Variants in UGGT1 observed in about 807,000 individuals in gnomAD.
UGGT1 encodes the protein UDP-glucose glycoprotein glucosyltransferase 1.
A neutral mutation model predicts 203.9 loss-of-function variants in UGGT1; 107 were observed. That is an observed-to-expected ratio of 0.52 (90% CI 0.45 to 0.62). UGGT1 has a LOEUF of 0.62. Among genes scored for constraint, UGGT1 ranks in the 20% least tolerant of loss-of-function variants. UGGT1 has a pLI of 0.00. For synonymous variants in UGGT1, 628 were observed against 653.5 expected, an observed-to-expected ratio of 0.96 and a Z score of 0.59; for missense variants, 1,673 against 1,867.2, an observed-to-expected ratio of 0.90 and a Z score of 1.92.
rs1691732658 is a variant in UGGT1 at position 128,182,308 on chromosome 2, T to C, written c.4244+18T>C. 6.3e-7 allele frequency: 1 copy of C among 1,598,090 alleles called. No homozygotes were observed. Among genetic ancestry groups the C allele is most frequent in the Non-Finnish European group, 8.5e-7 (1 of 1,173,034 alleles). ...CATATCAGGTACTGAAAAGAAGCAC[T>C]CCTAACACTGTTACGGGGTTTTCCT... On this transcript the variant is annotated intron_variant, in intron 37 of 40. Coordinates refer to ENST00000259253, the MANE Select transcript of UGGT1 (RefSeq NM_020120.4).
chr2:128,184,437 C>A (rs1175140472), intron 38 of UGGT1, among the ~76,000 whole-genome samples: 2 of 152,060 alleles, frequency 1.3e-5, no homozygotes, highest in Non-Finnish European at 2.9e-5. Context: ...TCACATACAT[C>A]CAGGAATTAT....
Position 128,147,638 on chromosome 2 carries a change from T to A in UGGT1, c.2016+1671T>A, listed in dbSNP as rs545182491. The stretch of plus-strand genomic sequence containing the variant: ...TTTTTTTTTTGTTTCTGATACAGGG[T>A]CTCGCTCTGTCACCCGGGTTGGAGT... On this transcript the variant is annotated intron_variant, in intron 18 of 40. Coordinates refer to ENST00000259253, the MANE Select transcript of UGGT1 (RefSeq NM_020120.4). Among the ~76,000 whole-genome samples the A allele has an allele frequency of 4.0e-5, 6 of 151,808 alleles. No individual in the cohort carries two copies. In the South Asian group the frequency reaches 1.2e-3, roughly 32 times the overall value.
chr2:128,093,971 A>G (rs1019679455), intron 1 of UGGT1, among the ~76,000 whole-genome samples: 1 of 152,192 alleles, frequency 6.6e-6, no homozygotes, highest in African/African-American at 2.4e-5. Context: ...GTGTATGTAA[A>G]GCACCTAATA....
At chr2:128,110,284 C>T (rs1454161664) in intron 5 of UGGT1, among the ~76,000 whole-genome samples, 1 of 152,076 alleles carries the variant, frequency 6.6e-6, no homozygotes, top group African/African-American at 2.4e-5. Context: ...GGCAGCAAGC[C>T]CTCTGTACCT....
At chr2:128,172,510 G>C in intron 28 of UGGT1, 63 bp from the exon 29 acceptor site, 2 of 1,538,150 alleles carry the variant, frequency 1.3e-6, no homozygotes, top group Non-Finnish European at 1.8e-6. Context: ...CTGTGTAAGG[G>C]CTGTGCACTC....
rs140525741 is a variant in UGGT1 at position 128,160,425 on chromosome 2, C to T, written c.2563-35C>T. ...TTTGTTTATATGGTTTGCTTAGTAA[C>T]GACTATTTTTCCTTAATAATGATTA... On this transcript the variant is annotated intron_variant, in intron 23 of 40. Transcript: ENST00000259253. 4.8e-4 allele frequency: 759 copies of T among 1,566,868 alleles called. 4 individuals are homozygous for T. In the African/African-American group the frequency reaches 9.5e-3, roughly 20 times the overall value.
At chr2:128,125,942 CTTT>C (rs34988352) in intron 11 of UGGT1, among the ~76,000 whole-genome samples, 14 of 131,844 alleles carry the variant, frequency 1.1e-4, no homozygotes, top group Admixed American at 2.3e-4. Context: ...TAAATATATA[CTTT>C]TTTTTTTTTT....
chr2:128,097,334 C>T, intron 1 of UGGT1, 95 bp from the exon 2 acceptor site: 1 of 1,413,770 alleles, frequency 7.1e-7, no homozygotes, highest in Non-Finnish European at 9.5e-7. Flanking sequence ...GAGATTGCAC[C>T]ACTGCACTCC....
chr2:128,114,140 CAG>C (rs1022732146), intron 6 of UGGT1, among the ~76,000 whole-genome samples: 23 of 151,988 alleles, frequency 1.5e-4, no homozygotes, highest in Non-Finnish European at 8.8e-5. Flanking sequence ...ATTTTTGAGA[CAG>C]AGTCTCGCTC....
chr2:128,147,524 C>T (rs936129345), intron 18 of UGGT1, among the ~76,000 whole-genome samples: 2 of 152,028 alleles, frequency 1.3e-5, no homozygotes, highest in African/African-American at 4.8e-5. Flanking sequence ...ATATACATTA[C>T]ACATTTTACT....
intron 25 of UGGT1, among the ~76,000 whole-genome samples, chr2:128,161,753 T>A (rs1268721719): frequency 6.6e-6 from 1 of 152,230 alleles, no homozygotes; most frequent in Non-Finnish European, 1.5e-5. Flanking sequence ...TAATTTTAAT[T>A]TTCAGTGTTA....
At chr2:128,144,737 T>G (rs1441393293) in intron 17 of UGGT1, among the ~76,000 whole-genome samples, 1 of 152,242 alleles carries the variant, frequency 6.6e-6, no homozygotes, top group African/African-American at 2.4e-5. Flanking sequence ...TACCTGTTAT[T>G]GAGCTTGTCT....
In UGGT1 at chr2:128,190,248, C is replaced by T. The variant is rs1263439637; in HGVS notation, c.*506C>T. ...TACGCCAACATCCTTGTGCCCTCCC[C>T]ACCTTCTCTTCCAACGCATTAGGTG... On this transcript the variant is annotated 3_prime_UTR_variant, in exon 41 of 41. Coordinates refer to ENST00000259253, the MANE Select transcript of UGGT1 (RefSeq NM_020120.4). 1.3e-5 allele frequency: 2 copies of T among 153,510 alleles called. No individual in the cohort carries two copies. Among genetic ancestry groups the T allele is most frequent in the Admixed American group, 6.5e-5 (1 of 15,390 alleles). The allele number at this position is 153,510 out of a possible 1,614,324, so 9.5% of individuals were successfully genotyped here.
chr2:128,095,910 C>T (rs578101787), intron 1 of UGGT1, among the ~76,000 whole-genome samples: 72 of 152,182 alleles, frequency 4.7e-4, no homozygotes, highest in African/African-American at 1.6e-3. Context: ...GGGATGAGAC[C>T]GAAGTGAGCC....
chr2:128,169,208 CA>C (rs903035938), intron 26 of UGGT1, among the ~76,000 whole-genome samples: 1 of 149,672 alleles, frequency 6.7e-6, no homozygotes, highest in African/African-American at 2.5e-5. Context: ...CGTATCTCTA[CA>C]AAAAAATATA....
chr2:128,151,471 C>T (rs967751916), intron 18 of UGGT1, among the ~76,000 whole-genome samples: 1 of 152,056 alleles, frequency 6.6e-6, no homozygotes, highest in Non-Finnish European at 1.5e-5. Flanking sequence ...ATACATGGGC[C>T]AACATGTACA....
At chr2:128,140,760 T>G (rs969980130) in intron 16 of UGGT1, among the ~76,000 whole-genome samples, 2 of 152,170 alleles carry the variant, frequency 1.3e-5, no homozygotes, top group African/African-American at 2.4e-5. Context: ...TACTACAGCC[T>G]TGAACTCCTG....
intron 1 of UGGT1, among the ~76,000 whole-genome samples, chr2:128,094,186 G>A (rs2609): frequency 0.31 from 47,389 of 151,658 alleles, 8,695 homozygotes; most frequent in Non-Finnish European, 0.4. Context: ...AGCTAATAGC[G>A]TAATACTGCT....
intron 31 of UGGT1, among the ~76,000 whole-genome samples, chr2:128,175,568 G>A (rs1250558472): frequency 6.6e-6 from 1 of 152,216 alleles, no homozygotes; most frequent in African/African-American, 2.4e-5. Context: ...CGACACACAT[G>A]AAACAGTGGA....
Sources: gnomAD v4.1 joint callset for allele counts (sites outside exome capture counted in the v4.1 genomes callset) on GRCh38, gnomAD v4.1.1 for gene constraint, MANE v1.5 for transcripts, NCBI Gene and HGNC (gene_info 2026-07-23, HGNC 2026-07-21) for gene names.